The following SMIM35 variants were observed in gnomAD, a reference collection of about 807,000 sequenced individuals.
The protein encoded by SMIM35 is small integral membrane protein 35.
At chr11:118,022,762 G>A (rs1193861139) in intron 1 of SMIM35, among the ~76,000 whole-genome samples, 10 of 152,024 alleles carry the variant, frequency 6.6e-5, no homozygotes, top group Admixed American at 4.6e-4. Context: ...GAAAGCATTC[G>A]TGGGAAACAG....
At chr11:118,038,319 C>T (rs1347011876) in intron 1 of SMIM35, among the ~76,000 whole-genome samples, 1 of 152,216 alleles carries the variant, frequency 6.6e-6, no homozygotes, top group Non-Finnish European at 1.5e-5. Flanking sequence ...TTTTGCAGCA[C>T]TCACACCTTT....
chr11:118,022,818 A>G (rs1402645054), intron 1 of SMIM35, among the ~76,000 whole-genome samples: 1 of 151,970 alleles, frequency 6.6e-6, no homozygotes, highest in Non-Finnish European at 1.5e-5. Context: ...ATTCCCATAA[A>G]CCAGACTAGA....
intron 1 of SMIM35, among the ~76,000 whole-genome samples, chr11:118,045,108 T>C (rs1364288057): frequency 6.6e-6 from 1 of 152,082 alleles, no homozygotes; most frequent in Non-Finnish European, 1.5e-5. Context: ...TTGCCCAAGG[T>C]CCAGGTTTGG....
intron 1 of SMIM35, among the ~76,000 whole-genome samples, chr11:118,069,960 T>C (rs150318486): frequency 8.6e-4 from 131 of 151,722 alleles, no homozygotes; most frequent in African/African-American, 3.1e-3. Flanking sequence ...ACTCGGGAGG[T>C]TGAGGCAGGA....
chr11:118,083,534 C>A (rs943244195), intron 1 of SMIM35, among the ~76,000 whole-genome samples: 1 of 152,122 alleles, frequency 6.6e-6, no homozygotes, highest in Non-Finnish European at 1.5e-5. Context: ...TATGAAGCTC[C>A]TTCCCATTAA....
At chr11:118,061,616 A>G (rs1944397025) in intron 1 of SMIM35, among the ~76,000 whole-genome samples, 1 of 152,068 alleles carries the variant, frequency 6.6e-6, no homozygotes, top group Non-Finnish European at 1.5e-5. Flanking sequence ...AACCTCACAG[A>G]TCCTGCTGGC....
intron 1 of SMIM35, among the ~76,000 whole-genome samples, chr11:118,030,917 C>A (rs1470266242): frequency 1.3e-5 from 2 of 151,916 alleles, no homozygotes; most frequent in African/African-American, 2.4e-5. Context: ...TGGTGCAGCC[C>A]AGCATGAAGT....
At chr11:118,038,182 C>T (rs916401768) in intron 1 of SMIM35, among the ~76,000 whole-genome samples, 4 of 152,148 alleles carry the variant, frequency 2.6e-5, no homozygotes, top group Non-Finnish European at 5.9e-5. Context: ...CTGAATGACC[C>T]CTGGAGGCCG....
intron 1 of SMIM35, among the ~76,000 whole-genome samples, chr11:118,065,147 GCACA>G (rs1944452325): frequency 6.6e-6 from 1 of 152,208 alleles, no homozygotes; most frequent in African/African-American, 2.4e-5. Context: ...CTAGGCAGCT[GCACA>G]GCGCCCAAAC....
chr11:118,085,589 T>C (rs1438308940), intron 1 of SMIM35, among the ~76,000 whole-genome samples: 1 of 152,224 alleles, frequency 6.6e-6, no homozygotes, highest in Non-Finnish European at 1.5e-5. Flanking sequence ...TTGAACCTTT[T>C]TAAATTAACG....
intron 1 of SMIM35, among the ~76,000 whole-genome samples, chr11:118,016,836 CA>C (rs2135024584): frequency 6.6e-6 from 1 of 152,258 alleles, no homozygotes; most frequent in East Asian, 1.9e-4. Context: ...ACTAAATGCT[CA>C]ATAGATGTAA....
At chr11:118,016,888 A>G (rs986135432) in intron 1 of SMIM35, among the ~76,000 whole-genome samples, 7 of 152,188 alleles carry the variant, frequency 4.6e-5, no homozygotes, top group Admixed American at 6.5e-5. Context: ...GTATTATCAA[A>G]TGGTGCAACT....
intron 1 of SMIM35, among the ~76,000 whole-genome samples, chr11:118,043,592 C>T (rs1483695204): frequency 6.6e-6 from 1 of 151,946 alleles, no homozygotes; most frequent in Non-Finnish European, 1.5e-5. Context: ...GGGCCGAACA[C>T]GAGGTCAGGA....
intron 1 of SMIM35, among the ~76,000 whole-genome samples, chr11:118,018,530 G>A (rs566540387): frequency 1.3e-5 from 2 of 152,224 alleles, no homozygotes; most frequent in Non-Finnish European, 2.9e-5. Context: ...CAAGAACTAA[G>A]GGTTAGTGAC....
chr11:118,073,638 A>T (rs1342737987), intron 1 of SMIM35, among the ~76,000 whole-genome samples: 1 of 152,224 alleles, frequency 6.6e-6, no homozygotes, highest in Non-Finnish European at 1.5e-5. Context: ...GACAGGAGGC[A>T]GCCCCCTCCT....
intron 1 of SMIM35, among the ~76,000 whole-genome samples, chr11:118,080,887 G>A (rs573808147): frequency 6.6e-6 from 1 of 152,170 alleles, no homozygotes; most frequent in Admixed American, 6.5e-5. Context: ...GAAAACATCA[G>A]CCTCAGTAAA....
Position 118,081,914 on chromosome 11 carries a change from T to A in SMIM35, c.7+4837A>T, listed in dbSNP as rs141474106. ...AGCAGGGGAGACTGCTTTCCCACAC[T>A]CCAGACAAAGCCTGACACTCACTCA... On this transcript the variant is annotated intron_variant, in intron 1 of 4. Coordinates refer to ENST00000689828, the MANE Select transcript of SMIM35 (RefSeq NM_001394165.1). Among the ~76,000 whole-genome samples, 56 of 152,198 alleles carry A rather than the reference T, an allele frequency of 3.7e-4. No individual in the cohort carries two copies. In the East Asian group the frequency reaches 0.01, roughly 27 times the overall value.
At chr11:118,018,539 AC>A (rs1210318302) in intron 1 of SMIM35, among the ~76,000 whole-genome samples, 1 of 152,200 alleles carries the variant, frequency 6.6e-6, no homozygotes, top group African/African-American at 2.4e-5. Flanking sequence ...AGGGTTAGTG[AC>A]TCACAGGTGG....
chr11:118,062,428 G>A (rs755090440), intron 1 of SMIM35, among the ~76,000 whole-genome samples: 4 of 152,206 alleles, frequency 2.6e-5, no homozygotes, highest in Non-Finnish European at 5.9e-5. Context: ...CCACAGGCCA[G>A]CCCAGCTCCT....
Sources: gnomAD v4.1 joint callset for allele counts (sites outside exome capture counted in the v4.1 genomes callset) on GRCh38, gnomAD v4.1.1 for gene constraint, MANE v1.5 for transcripts, NCBI Gene and HGNC (gene_info 2026-07-23, HGNC 2026-07-21) for gene names.